PKHD1: variants seen among roughly 807,000 people sequenced by gnomAD.
PKHD1 encodes the protein fibrocystin.
In PKHD1, 291 loss-of-function variants were observed where a neutral mutation model predicts 412.0. That is an observed-to-expected ratio of 0.71 (90% CI 0.64 to 0.78). The LOEUF is 0.78. PKHD1 is among the 30% of genes least tolerant of loss of function. The pLI is 0.00. For synonymous variants in PKHD1, 1,777 were observed against 1,821.5 expected, an observed-to-expected ratio of 0.98 and a Z score of 0.62; for missense variants, 4,825 against 4,950.7, an observed-to-expected ratio of 0.97 and a Z score of 0.76.
chr6:51,833,389 G>A (rs540764116), intron 51 of PKHD1, among the ~76,000 whole-genome samples: 2 of 152,258 alleles, frequency 1.3e-5, no homozygotes, highest in Admixed American at 1.3e-4. Context: ...TCCTGCTTAA[G>A]ATAAGAACAC....
At chr6:51,974,052 G>A (rs746453181) in intron 35 of PKHD1, among the ~76,000 whole-genome samples, 4 of 152,122 alleles carry the variant, frequency 2.6e-5, no homozygotes, top group Non-Finnish European at 5.9e-5. Context: ...ATTCATCCCA[G>A]TACGGGTGAA....
intron 48 of PKHD1, among the ~76,000 whole-genome samples, chr6:51,860,606 A>T (rs1296241784): frequency 6.6e-6 from 1 of 152,190 alleles, no homozygotes; most frequent in African/African-American, 2.4e-5. Context: ...CTAGGGGAAG[A>T]AGTCTCTCCC....
chr6:51,643,034 G>A (rs899649624), intron 63 of PKHD1, among the ~76,000 whole-genome samples: 2 of 151,958 alleles, frequency 1.3e-5, no homozygotes, highest in African/African-American at 4.8e-5. Flanking sequence ...GAGTATCTGT[G>A]GTAAATATTA....
At chr6:51,688,289 G>C (rs931330741) in intron 60 of PKHD1, among the ~76,000 whole-genome samples, 1 of 152,108 alleles carries the variant, frequency 6.6e-6, no homozygotes, top group African/African-American at 2.4e-5. Flanking sequence ...AATTGGACTT[G>C]GGTTCTACTA....
chr6:51,896,213 C>T (rs866113797), intron 43 of PKHD1, among the ~76,000 whole-genome samples: 1 of 150,344 alleles, frequency 6.7e-6, no homozygotes, highest in East Asian at 1.9e-4. Flanking sequence ...CCTCTGGGGG[C>T]AGGGCACAGA....
chr6:51,934,065 AG>A (rs1787071369), intron 37 of PKHD1, 44 bp downstream of exon 37: 1 of 1,436,386 alleles, frequency 7.0e-7, no homozygotes, highest in Non-Finnish European at 9.8e-7. Context: ...TTCCACTGCT[AG>A]ACACAGCTCT....
chr6:51,693,142 A>G (rs1033788286), intron 60 of PKHD1, among the ~76,000 whole-genome samples: 2 of 152,218 alleles, frequency 1.3e-5, no homozygotes, highest in African/African-American at 4.8e-5. Flanking sequence ...ACATTCATAC[A>G]CACACATAGA....
chr6:52,085,131 T>G (rs1812577264), intron 1 of PKHD1, 114 bp from the exon 2 acceptor site: 1 of 549,648 alleles, frequency 1.8e-6, no homozygotes, highest in South Asian at 2.1e-5. Flanking sequence ...CCTTAGTGTC[T>G]TCAAATGGAG....
At chr6:51,986,707 C>T (rs540132486) in intron 35 of PKHD1, among the ~76,000 whole-genome samples, 6 of 152,120 alleles carry the variant, frequency 3.9e-5, no homozygotes, top group Non-Finnish European at 2.9e-5. Context: ...GGTATTTTGA[C>T]GGAAATGTTT....
At chr6:51,902,954 T>A (rs1562578609) in intron 43 of PKHD1, among the ~76,000 whole-genome samples, 1 of 152,134 alleles carries the variant, frequency 6.6e-6, no homozygotes, top group Admixed American at 6.5e-5. Context: ...TGAACACTCT[T>A]AAAGGACAAA....
At chr6:52,034,078 G>A (rs544331088) in intron 28 of PKHD1, among the ~76,000 whole-genome samples, 8 of 151,710 alleles carry the variant, frequency 5.3e-5, no homozygotes, top group Admixed American at 2.0e-4. Context: ...GCAGTGAGCC[G>A]TGATTGTACC....
At chr6:51,724,347 A>G (rs928292297) in intron 60 of PKHD1, among the ~76,000 whole-genome samples, 1 of 152,120 alleles carries the variant, frequency 6.6e-6, no homozygotes, top group East Asian at 1.9e-4. Flanking sequence ...CTACTCCTCT[A>G]AACTGCCTAT....
intron 48 of PKHD1, among the ~76,000 whole-genome samples, chr6:51,866,944 A>C (rs540843001): frequency 2.0e-5 from 3 of 152,130 alleles, no homozygotes; most frequent in Admixed American, 1.3e-4. Flanking sequence ...AAAATGAAAA[A>C]TTTCCAGACT....
At chr6:51,941,720 A>G (rs1788609040) in intron 36 of PKHD1, among the ~76,000 whole-genome samples, 1 of 151,464 alleles carries the variant, frequency 6.6e-6, no homozygotes, top group Admixed American at 6.6e-5. Context: ...CCTATCCTCA[A>G]TACCTCCCTC....
intron 61 of PKHD1, 67 bp downstream of exon 61, chr6:51,658,885 G>A (rs1202369748): frequency 1.0e-6 from 1 of 981,354 alleles, no homozygotes; most frequent in Non-Finnish European, 1.7e-6. Context: ...ATTGACATTT[G>A]CAACATATGT....
intron 39 of PKHD1, among the ~76,000 whole-genome samples, chr6:51,910,804 A>G (rs1284668779): frequency 6.6e-6 from 1 of 152,112 alleles, no homozygotes; most frequent in Non-Finnish European, 1.5e-5. Context: ...AGAATGACAC[A>G]TTTGTGAGTA....
At chr6:52,054,370 A>G (rs1415678262) in intron 19 of PKHD1, among the ~76,000 whole-genome samples, 1 of 152,238 alleles carries the variant, frequency 6.6e-6, no homozygotes, top group Non-Finnish European at 1.5e-5. Flanking sequence ...AAGCTAAGGA[A>G]AAATACAATA....
At chr6:52,009,816 C>T (rs1052675184) in intron 35 of PKHD1, among the ~76,000 whole-genome samples, 2 of 152,128 alleles carry the variant, frequency 1.3e-5, no homozygotes, top group Admixed American at 6.5e-5. Flanking sequence ...CCCTGAGGTC[C>T]TTTTCGTTTC....
At chr6:52,063,605 A>G (rs1318993834) in intron 13 of PKHD1, among the ~76,000 whole-genome samples, 1 of 152,224 alleles carries the variant, frequency 6.6e-6, no homozygotes, top group African/African-American at 2.4e-5. Flanking sequence ...TCTCCACCCC[A>G]GCACTATTGA....
Sources: gnomAD v4.1 joint callset for allele counts (sites outside exome capture counted in the v4.1 genomes callset) on GRCh38, gnomAD v4.1.1 for gene constraint, MANE v1.5 for transcripts, NCBI Gene and HGNC (gene_info 2026-07-23, HGNC 2026-07-21) for gene names.